Variants in C8orf34 observed in about 807,000 individuals in gnomAD.
The protein encoded by C8orf34 is chromosome 8 open reading frame 34.
In C8orf34, 65 loss-of-function variants were observed where a neutral mutation model predicts 68.3. That is an observed-to-expected ratio of 0.95 (90% CI 0.78 to 1.17). The LOEUF (loss-of-function observed/expected upper bound fraction) is 1.17. Ranked by LOEUF, C8orf34 falls within the 50% of genes most tolerant of loss-of-function variation. C8orf34 has a pLI of 0.00. For missense variants in C8orf34, 664 were observed against 655.4 expected, an observed-to-expected ratio of 1.01 and a Z score of -0.14; for synonymous variants, 244 against 241.2, an observed-to-expected ratio of 1.01 and a Z score of -0.11.
chr8:68,593,297 T>C (rs891180849), intron 7 of C8orf34, among the ~76,000 whole-genome samples: 1 of 152,160 alleles, frequency 6.6e-6, no homozygotes, highest in Non-Finnish European at 1.5e-5. Context: ...TCAATTAACT[T>C]ATTGAGTATT....
At chr8:68,804,026 T>TA (rs897607526) in intron 12 of C8orf34, among the ~76,000 whole-genome samples, 6 of 152,098 alleles carry the variant, frequency 3.9e-5, no homozygotes, top group African/African-American at 1.4e-4. Context: ...TGACAATTTT[T>TA]AAAAAAAAAT....
intron 5 of C8orf34, among the ~76,000 whole-genome samples, chr8:68,490,975 C>T (rs563472603): frequency 5.4e-4 from 82 of 152,322 alleles, no homozygotes; most frequent in African/African-American, 1.9e-3. Flanking sequence ...CACCTGGTAC[C>T]TATGTCTTTA....
At chr8:68,344,407 TGAG>T (rs1806196324) in intron 1 of C8orf34, among the ~76,000 whole-genome samples, 2 of 152,146 alleles carry the variant, frequency 1.3e-5, no homozygotes, top group Non-Finnish European at 2.9e-5. Flanking sequence ...AGTAGGGAAA[TGAG>T]GAAAGTGAAT....
intron 7 of C8orf34, among the ~76,000 whole-genome samples, chr8:68,639,738 C>A (rs757415521): frequency 5.9e-5 from 9 of 152,028 alleles, no homozygotes; most frequent in Non-Finnish European, 1.2e-4. Context: ...TCTTTTCATT[C>A]TTGATTAAGG....
rs1298969304 is a variant in C8orf34, at chr8:68,604,581, A to T, written c.1106-35795A>T. Among the ~76,000 whole-genome samples the T allele has an allele frequency of 2.0e-5, 3 of 152,276 alleles. No homozygotes were observed. The South Asian group carries it at 6.2e-4, about 32-fold the overall frequency. ...CATAATCAACTGATCTTTGACAAAGATGTGAAGGCACTATAATGGAATTAT... is the reference window on the plus strand; with the variant it reads ...CATAATCAACTGATCTTTGACAAAGTTGTGAAGGCACTATAATGGAATTAT... On this transcript the variant is annotated intron_variant, in intron 7 of 13. Coordinates refer to ENST00000518698, the MANE Select transcript of C8orf34 (RefSeq NM_052958.4).
intron 10 of C8orf34, among the ~76,000 whole-genome samples, chr8:68,760,714 T>C (rs1823001132): frequency 6.6e-6 from 1 of 152,232 alleles, no homozygotes; most frequent in South Asian, 2.1e-4. Context: ...CATTTGTCCA[T>C]AATAATTTAC....
In C8orf34 at chr8:68,446,382, A is replaced by G. The variant is rs770833205; in HGVS notation, c.529A>G (p.Asn177Asp). The change falls in exon 3 of 14, where the codon AAT becomes GAT. Residue 177 changes from asparagine (N) to aspartate (D), a missense_variant. Coordinates refer to ENST00000518698, the MANE Select transcript of C8orf34 (RefSeq NM_052958.4). ...FRSYDKPWQL[N>D]AKKPKKSKSD... ...AAGCTATGATAAACCTTGGCAATTA[A>G]ATGCAAAGAAGCCTAAAAAATCAAA... The G allele has an allele frequency of 6.2e-7, 1 of 1,612,136 alleles. No homozygotes were observed. Among genetic ancestry groups the G allele is most frequent in the Non-Finnish European group, 8.5e-7 (1 of 1,179,380 alleles).
intron 1 of C8orf34, among the ~76,000 whole-genome samples, chr8:68,352,253 A>G (rs959045753): frequency 6.6e-6 from 1 of 151,954 alleles, no homozygotes; most frequent in Non-Finnish European, 1.5e-5. Flanking sequence ...CATATATGTA[A>G]CTCTTTATTC....
At chr8:68,384,740 T>C (rs960089914) in intron 1 of C8orf34, among the ~76,000 whole-genome samples, 4 of 152,186 alleles carry the variant, frequency 2.6e-5, no homozygotes, top group Non-Finnish European at 5.9e-5. Flanking sequence ...TTAACTGTTA[T>C]CTCCACTCAG....
At chr8:68,389,624 G>A (rs1014699345) in intron 1 of C8orf34, among the ~76,000 whole-genome samples, 2 of 152,098 alleles carry the variant, frequency 1.3e-5, no homozygotes, top group Non-Finnish European at 2.9e-5. Flanking sequence ...TAAAGGGCAT[G>A]GGTGACTATC....
intron 10 of C8orf34, among the ~76,000 whole-genome samples, chr8:68,764,794 C>T (rs542945098): frequency 2.6e-5 from 4 of 152,202 alleles, no homozygotes; most frequent in African/African-American, 2.4e-5. Flanking sequence ...CTAAGGATGC[C>T]GTCTTACTCC....
intron 10 of C8orf34, among the ~76,000 whole-genome samples, chr8:68,763,046 A>G (rs1823065536): frequency 6.6e-6 from 1 of 152,194 alleles, no homozygotes; most frequent in South Asian, 2.1e-4. Context: ...TGGTCTATAA[A>G]GTCTGTCCTA....
chr8:68,428,504 GAAGT>G (rs1183710377), intron 1 of C8orf34, among the ~76,000 whole-genome samples: 1 of 152,046 alleles, frequency 6.6e-6, no homozygotes, highest in Non-Finnish European at 1.5e-5. Context: ...GTAGGTAAAT[GAAGT>G]GTTAGTCTAT....
chr8:68,774,088 G>T (rs559424560), intron 10 of C8orf34, among the ~76,000 whole-genome samples: 23 of 152,150 alleles, frequency 1.5e-4, no homozygotes, highest in African/African-American at 5.3e-4. Flanking sequence ...CTCCCATGCT[G>T]GCTGCTCCAG....
chr8:68,495,190 A>T (rs1312623806), intron 5 of C8orf34, among the ~76,000 whole-genome samples: 2 of 151,580 alleles, frequency 1.3e-5, no homozygotes, highest in African/African-American at 4.8e-5. Flanking sequence ...CATCAGAAAT[A>T]CTGCTATCTT....
At chr8:68,461,464 A>G (rs186861503) in intron 3 of C8orf34, among the ~76,000 whole-genome samples, 2 of 152,352 alleles carry the variant, frequency 1.3e-5, no homozygotes, top group East Asian at 3.9e-4. Flanking sequence ...TTCCTCGAGA[A>G]GAGCAACTCC....
intron 5 of C8orf34, among the ~76,000 whole-genome samples, chr8:68,490,872 T>C (rs559299706): frequency 1.3e-5 from 2 of 152,214 alleles, no homozygotes; most frequent in East Asian, 3.9e-4. Flanking sequence ...ACCATGAAGC[T>C]CACAGTCCTG....
intron 8 of C8orf34, among the ~76,000 whole-genome samples, chr8:68,689,209 A>C (rs1350059837): frequency 2.5e-4 from 38 of 152,040 alleles, no homozygotes; most frequent in Admixed American, 2.5e-3. Context: ...TCAAAGACAT[A>C]CAGAGAGATA....
chr8:68,764,059 G>T (rs1823099333), intron 10 of C8orf34, among the ~76,000 whole-genome samples: 1 of 152,154 alleles, frequency 6.6e-6, no homozygotes, highest in African/African-American at 2.4e-5. Context: ...CTAACTCTAG[G>T]TCTGAGGAGT....
Sources: gnomAD v4.1 joint callset for allele counts (sites outside exome capture counted in the v4.1 genomes callset) on GRCh38, gnomAD v4.1.1 for gene constraint, MANE v1.5 for transcripts, NCBI Gene and HGNC (gene_info 2026-07-23, HGNC 2026-07-21) for gene names.